TNIK: variants seen among roughly 807,000 people sequenced by gnomAD.
The protein encoded by TNIK is TRAF2 and NCK interacting kinase.
Under a neutral mutation model 191.3 loss-of-function variants are expected in TNIK, and 49 were observed. The observed-to-expected ratio is 0.26, with a 90% CI of 0.20 to 0.32. The LOEUF (loss-of-function observed/expected upper bound fraction) is 0.32. Ranked by LOEUF, TNIK falls within the 10% of genes least tolerant of loss-of-function variation. The pLI is 1.00. For missense variants in TNIK, 1,155 were observed against 1,702.3 expected (o/e 0.68, Z 5.66); for synonymous variants, 594 against 600.9 (o/e 0.99, Z 0.17).
chr3:171,444,997 G>A (rs28600164), intron 1 of TNIK, among the ~76,000 whole-genome samples: 19,510 of 152,036 alleles, frequency 0.13, 1,918 homozygotes, highest in African/African-American at 0.28. Flanking sequence ...TTACAGGCAT[G>A]AGCCACCATG....
intron 2 of TNIK, among the ~76,000 whole-genome samples, chr3:171,339,166 A>G (rs1277565032): frequency 2.0e-5 from 3 of 152,232 alleles, no homozygotes; most frequent in Non-Finnish European, 4.4e-5. Flanking sequence ...TCCTACAACC[A>G]GGTGTAAAAA....
chr3:171,236,388 T>C (rs1744272153), intron 2 of TNIK, among the ~76,000 whole-genome samples: 1 of 152,226 alleles, frequency 6.6e-6, no homozygotes, highest in African/African-American at 2.4e-5. Flanking sequence ...AGTGTTTTGC[T>C]CAACAAGGTT....
intron 4 of TNIK, among the ~76,000 whole-genome samples, chr3:171,197,724 G>A (rs893941556): frequency 6.6e-6 from 1 of 152,174 alleles, no homozygotes; most frequent in African/African-American, 2.4e-5. Flanking sequence ...ACATCTACTA[G>A]GATGGATGTT....
intron 2 of TNIK, among the ~76,000 whole-genome samples, chr3:171,244,433 A>G (rs552517976): frequency 3.3e-5 from 5 of 152,306 alleles, no homozygotes; most frequent in Admixed American, 6.5e-5. Context: ...CGTTTACTCA[A>G]AAAAATCAGG....
chr3:171,173,406 A>AAAAG (rs1553847337), intron 9 of TNIK, among the ~76,000 whole-genome samples: 1,543 of 150,578 alleles, frequency 0.01, 25 homozygotes, highest in African/African-American at 0.036. Context: ...AAAAAAAAAA[A>AAAAG]AAAAGAAAAG....
intron 18 of TNIK, among the ~76,000 whole-genome samples, chr3:171,119,394 G>T (rs1415941792): frequency 6.6e-6 from 1 of 152,158 alleles, no homozygotes. Context: ...GATTCCTCAG[G>T]GATCTAGAAC....
At chr3:171,123,019 A>T (rs1303734237) in intron 18 of TNIK, among the ~76,000 whole-genome samples, 1 of 152,218 alleles carries the variant, frequency 6.6e-6, no homozygotes, top group Non-Finnish European at 1.5e-5. Flanking sequence ...AGGAGGACAC[A>T]GAGCAAGAGT....
intron 2 of TNIK, among the ~76,000 whole-genome samples, chr3:171,277,112 C>G (rs988886978): frequency 2.0e-5 from 3 of 151,952 alleles, no homozygotes; most frequent in African/African-American, 7.3e-5. Flanking sequence ...TAAACGTGGC[C>G]CCCTTCCCTT....
At chr3:171,424,089 C>G (rs1025316372) in intron 1 of TNIK, among the ~76,000 whole-genome samples, 7 of 152,092 alleles carry the variant, frequency 4.6e-5, no homozygotes, top group Non-Finnish European at 1.0e-4. Flanking sequence ...ACTCATCTGA[C>G]AAAGGGCTAA....
At chr3:171,425,814 T>G (rs1724479808) in intron 1 of TNIK, among the ~76,000 whole-genome samples, 2 of 117,354 alleles carry the variant, frequency 1.7e-5, no homozygotes, top group East Asian at 2.1e-4. Flanking sequence ...GGTGACAGAG[T>G]GAGACTCTGT....
intron 2 of TNIK, among the ~76,000 whole-genome samples, chr3:171,280,010 A>G (rs1750239745): frequency 6.6e-6 from 1 of 152,214 alleles, no homozygotes; most frequent in Non-Finnish European, 1.5e-5. Flanking sequence ...TTACAGTTCT[A>G]CAGTTCTATA....
At chr3:171,355,547 C>T (rs1577606899) in intron 2 of TNIK, among the ~76,000 whole-genome samples, 1 of 152,274 alleles carries the variant, frequency 6.6e-6, no homozygotes, top group East Asian at 1.9e-4. Context: ...GCTTTGCCTC[C>T]ACCCAAAGAA....
intron 2 of TNIK, among the ~76,000 whole-genome samples, chr3:171,294,148 GA>G (rs1751997507): frequency 6.6e-6 from 1 of 152,164 alleles, no homozygotes; most frequent in African/African-American, 2.4e-5. Flanking sequence ...AGAATTGCTT[GA>G]ACCAGGGAGG....
intron 1 of TNIK, among the ~76,000 whole-genome samples, chr3:171,370,735 T>C (rs1278005994): frequency 2.0e-5 from 3 of 152,226 alleles, no homozygotes; most frequent in African/African-American, 7.2e-5. Flanking sequence ...CTGGAGCCAC[T>C]TGTTGTCTTG....
At chr3:171,152,703 C>A (rs1190295473) in intron 12 of TNIK, among the ~76,000 whole-genome samples, 2 of 152,082 alleles carry the variant, frequency 1.3e-5, no homozygotes, top group Non-Finnish European at 2.9e-5. Context: ...CTTCCCTTCC[C>A]AGAAAAGACA....
At chr3:171,143,920 A>G (rs6803585) in intron 12 of TNIK, among the ~76,000 whole-genome samples, 48,487 of 152,088 alleles carry the variant, frequency 0.32, 7,901 homozygotes, top group Non-Finnish European at 0.36. Context: ...AGAGCCACCT[A>G]CAGTTGGCAC....
chr3:171,139,374 GCGCGCACACACACACACACACACA>G (rs1421772075), intron 14 of TNIK, 72 bp downstream of exon 14: 1 of 567,410 alleles, frequency 1.8e-6, no homozygotes. Context: ...ACACACGCAC[GCGCGCACACACACACACACACACA>G]CACACACACA....
intron 1 of TNIK, among the ~76,000 whole-genome samples, chr3:171,411,229 G>A (rs1189248777): frequency 6.6e-6 from 1 of 151,954 alleles, no homozygotes; most frequent in Non-Finnish European, 1.5e-5. Flanking sequence ...CATCATGCCT[G>A]GCTAATTTTT....
chr3:171,137,969 A>C (rs907242865), intron 15 of TNIK, among the ~76,000 whole-genome samples: 2 of 11,718 alleles, frequency 1.7e-4, no homozygotes, highest in African/African-American at 8.8e-4. Flanking sequence ...AAAGATATAC[A>C]AAAAAAAAAA....
Sources: gnomAD v4.1 joint callset for allele counts (sites outside exome capture counted in the v4.1 genomes callset) on GRCh38, gnomAD v4.1.1 for gene constraint, MANE v1.5 for transcripts, NCBI Gene and HGNC (gene_info 2026-07-23, HGNC 2026-07-21) for gene names.